The following WWOX variants were observed in gnomAD, a reference collection of about 807,000 sequenced individuals.
WWOX encodes the protein WW domain containing oxidoreductase.
In WWOX, 69 loss-of-function variants were observed where a neutral mutation model predicts 46.2. The ratio of observed to expected loss-of-function variants is 1.49; its 90% CI spans 1.23 to 1.82. WWOX has a LOEUF of 1.82. Ranked by LOEUF, WWOX falls within the 40% of genes most tolerant of loss-of-function variation. The probability of loss-of-function intolerance (pLI) is 0.00; values close to 1 mark genes in which losing one functional copy is unlikely to be tolerated. For synonymous variants in WWOX, 359 were observed against 202.6 expected (o/e 1.77, Z -6.56); for missense variants, 919 against 542.6 (o/e 1.69, Z -6.89).
intron 8 of WWOX, among the ~76,000 whole-genome samples, chr16:78,595,900 C>G (rs1345071636): frequency 6.6e-6 from 1 of 152,094 alleles, no homozygotes; most frequent in African/African-American, 2.4e-5. Flanking sequence ...TTTTTGCTAT[C>G]TAAAATATCA....
intron 8 of WWOX, among the ~76,000 whole-genome samples, chr16:78,632,769 A>T (rs2046465154): frequency 1.3e-5 from 2 of 151,240 alleles, no homozygotes; most frequent in African/African-American, 4.9e-5. Context: ...TGTTGGTCAG[A>T]CTGGTCTCGA....
intron 8 of WWOX, among the ~76,000 whole-genome samples, chr16:79,005,145 C>G (rs764259382): frequency 9.2e-5 from 14 of 152,114 alleles, no homozygotes; most frequent in South Asian, 2.1e-4. Flanking sequence ...TCTGTCTGGC[C>G]TTTCTCTTTT....
At chr16:78,318,440 AAAT>A (rs925739142) in intron 5 of WWOX, among the ~76,000 whole-genome samples, 3 of 151,712 alleles carry the variant, frequency 2.0e-5, no homozygotes, top group African/African-American at 7.3e-5. Flanking sequence ...ATTCTGTCAA[AAAT>A]AATATTATTC....
intron 8 of WWOX, among the ~76,000 whole-genome samples, chr16:78,934,980 G>A (rs540041284): frequency 6.6e-6 from 1 of 152,262 alleles, no homozygotes; most frequent in Admixed American, 6.5e-5. Context: ...AGACATTTAT[G>A]CAGCCAACAG....
At chr16:78,728,859 C>T (rs2142376624) in intron 8 of WWOX, among the ~76,000 whole-genome samples, 1 of 152,276 alleles carries the variant, frequency 6.6e-6, no homozygotes, top group Admixed American at 6.5e-5. Context: ...GGAGTTTCCT[C>T]CTTGTTACAT....
intron 8 of WWOX, among the ~76,000 whole-genome samples, chr16:79,043,045 G>A (rs974565070): frequency 6.6e-6 from 1 of 152,072 alleles, no homozygotes; most frequent in African/African-American, 2.4e-5. Flanking sequence ...AGGCTCTCCT[G>A]TCATCAAGAG....
At chr16:78,309,713 ACG>A (rs2080203795) in intron 5 of WWOX, among the ~76,000 whole-genome samples, 2 of 152,150 alleles carry the variant, frequency 1.3e-5, no homozygotes, top group African/African-American at 4.8e-5. Context: ...CTTTCAATCA[ACG>A]TACGTGACTA....
At chr16:78,144,526 T>A (rs1218751983) in intron 4 of WWOX, among the ~76,000 whole-genome samples, 1 of 89,764 alleles carries the variant, frequency 1.1e-5, no homozygotes, top group South Asian at 3.8e-4. Context: ...TATATATATT[T>A]TTTTTTTTTT....
chr16:78,624,761 T>G (rs180986371), intron 8 of WWOX, among the ~76,000 whole-genome samples: 67 of 152,334 alleles, frequency 4.4e-4, no homozygotes, highest in African/African-American at 1.6e-3. Context: ...TGGAAATTAT[T>G]TATTGCAGAA....
At chr16:78,131,726 T>A (rs1429441544) in intron 4 of WWOX, among the ~76,000 whole-genome samples, 1 of 151,512 alleles carries the variant, frequency 6.6e-6, no homozygotes, top group Non-Finnish European at 1.5e-5. Context: ...GGATTACAGG[T>A]GTGTGTGCCA....
chr16:78,162,881 C>T (rs1700313653), intron 4 of WWOX, among the ~76,000 whole-genome samples: 1 of 151,934 alleles, frequency 6.6e-6, no homozygotes, highest in African/African-American at 2.4e-5. Flanking sequence ...GTCTTGTATT[C>T]TGTTAAACTA....
chr16:78,577,632 G>A (rs1189623971), intron 8 of WWOX, among the ~76,000 whole-genome samples: 2 of 152,148 alleles, frequency 1.3e-5, no homozygotes, highest in Admixed American at 1.3e-4. Context: ...TTATTTAAAT[G>A]GGGATGATTA....
At chr16:78,961,551 G>T (rs573303302) in intron 8 of WWOX, among the ~76,000 whole-genome samples, 26 of 152,192 alleles carry the variant, frequency 1.7e-4, no homozygotes, top group African/African-American at 6.0e-4. Flanking sequence ...TGGATGTATG[G>T]ATGGGTGGGT....
chr16:78,265,144 G>C (rs1299922838), intron 5 of WWOX, among the ~76,000 whole-genome samples: 1 of 151,500 alleles, frequency 6.6e-6, no homozygotes, highest in African/African-American at 2.4e-5. Context: ...GGGATTACAG[G>C]TGCATGGCAC....
intron 5 of WWOX, among the ~76,000 whole-genome samples, chr16:78,307,287 T>G (rs1356112360): frequency 6.6e-6 from 1 of 152,218 alleles, no homozygotes; most frequent in Non-Finnish European, 1.5e-5. Flanking sequence ...AGAGTACGCT[T>G]CTAGGCTTCT....
chr16:78,698,381 T>A (rs922256255), intron 8 of WWOX, among the ~76,000 whole-genome samples: 9 of 152,266 alleles, frequency 5.9e-5, no homozygotes, highest in Admixed American at 3.9e-4. Context: ...AGCACAGAGG[T>A]TTCGCTACAT....
chr16:78,914,878 CAGAAAAAAAAAAAA>C (rs1202827654), intron 8 of WWOX, among the ~76,000 whole-genome samples: 1 of 65,678 alleles, frequency 1.5e-5, no homozygotes, highest in Non-Finnish European at 2.7e-5. Flanking sequence ...GACTCCGCCT[CAGAAAAAAAAAAAA>C]AAAAAAAAAA....
intron 8 of WWOX, among the ~76,000 whole-genome samples, chr16:78,932,972 C>A (rs111883021): frequency 9.2e-5 from 14 of 152,182 alleles, no homozygotes; most frequent in African/African-American, 3.1e-4. Flanking sequence ...AGTGTTGAAT[C>A]AATAGACCAC....
intron 8 of WWOX, among the ~76,000 whole-genome samples, chr16:78,720,579 T>C (rs1235231372): frequency 1.3e-5 from 2 of 152,048 alleles, no homozygotes; most frequent in East Asian, 3.9e-4. Context: ...GAGCCAGATG[T>C]TCAGGATTTC....
Sources: gnomAD v4.1 joint callset for allele counts (sites outside exome capture counted in the v4.1 genomes callset) on GRCh38, gnomAD v4.1.1 for gene constraint, MANE v1.5 for transcripts, NCBI Gene and HGNC (gene_info 2026-07-23, HGNC 2026-07-21) for gene names.